The following ATP11A variants were observed in gnomAD, a reference collection of about 807,000 sequenced individuals.
ATP11A encodes the protein phospholipid-transporting ATPase IH.
ATP11A carries 81 observed loss-of-function variants against 154.4 expected under a neutral mutation model. The ratio of observed to expected loss-of-function variants is 0.52; its 90% CI spans 0.44 to 0.63. The LOEUF (loss-of-function observed/expected upper bound fraction) is 0.63. ATP11A is among the 30% of genes least tolerant of loss of function. ATP11A has a pLI of 0.00. For synonymous variants in ATP11A, 623 were observed against 585.9 expected (o/e 1.06, Z -0.91); for missense variants, 1,316 against 1,474.3 (o/e 0.89, Z 1.76).
At chr13:112,783,540 C>T (rs2077549851) in intron 1 of ATP11A, among the ~76,000 whole-genome samples, 1 of 152,240 alleles carries the variant, frequency 6.6e-6, no homozygotes, top group East Asian at 1.9e-4. Flanking sequence ...GTCAGCCCTT[C>T]GACGGCAGTG....
intron 18 of ATP11A, among the ~76,000 whole-genome samples, chr13:112,852,871 C>T (rs1236366301): frequency 6.6e-6 from 1 of 152,026 alleles, no homozygotes; most frequent in Admixed American, 6.5e-5. Flanking sequence ...TGCGAAACAT[C>T]TCTGAGCCTC....
chr13:112,767,514 A>G lies in ATP11A; in HGVS notation c.40-17621A>G, dbSNP rs528651966. On this transcript the variant is annotated intron_variant, in intron 1 of 29. Coordinates refer to ENST00000375645, the MANE Select transcript of ATP11A (RefSeq NM_015205.3). ...GGAAAGGTGGGGAGGATGTAGGGGT[A>G]TCGGGGGCCCCTGTGGGAAGGTAGG... 9.7e-3 allele frequency among the ~76,000 whole-genome samples: 569 copies of G among 58,788 alleles called. 40 individuals carry two copies. Among genetic ancestry groups the G allele is most frequent in the Middle Eastern group, 0.052 (5 of 96 alleles). The allele number at this position is 58,788 out of a possible 152,430, so 38.6% of individuals were successfully genotyped here. A position where few individuals can be genotyped will look rare whatever the true frequency, so the allele number is the denominator to read the frequency against.
intron 1 of ATP11A, among the ~76,000 whole-genome samples, chr13:112,744,439 C>A (rs1015821794): frequency 1.3e-5 from 2 of 152,174 alleles, no homozygotes; most frequent in Non-Finnish European, 2.9e-5. Context: ...CTCTGAGTGG[C>A]GATTTCAGGG....
rs990067415 is a variant in ATP11A at position 112,884,342 on chromosome 13, G to A, written c.*2476G>A. On this transcript the variant is annotated 3_prime_UTR_variant, in exon 30 of 30. Transcript: ENST00000375645. ...AGATTCTCACGTGAAGGTTTAGTAAGTTGGGTCCCAGCTCTGCCTGTGTGG... is the reference window on the plus strand; with the variant it reads ...AGATTCTCACGTGAAGGTTTAGTAAATTGGGTCCCAGCTCTGCCTGTGTGG... 6.6e-6 allele frequency: 1 copy of A among 152,648 alleles called. No homozygotes were observed. The highest frequency in any genetic ancestry group is 6.5e-5 in the Admixed American group (1 of 15,284). The allele number at this position is 152,648 out of a possible 1,614,324, so 9.5% of individuals were successfully genotyped here.
rs376048709 is a variant in ATP11A at position 112,880,284 on chromosome 13, G to A, written c.*10-1592G>A. On this transcript the variant is annotated intron_variant, in intron 29 of 29. Transcript: ENST00000375645. ...AGGGACCTCAGACCCTCTGCCTCCC[G>A]CGGGTGCATGGCCCGTCCCTGAGCC... is the stretch of plus-strand genomic sequence containing the variant. 1.9e-4 allele frequency: 31 copies of A among 163,164 alleles called. No homozygotes were observed. In the South Asian group the frequency reaches 3.3e-3, roughly 17 times the overall value. The allele number at this position is 163,164 out of a possible 1,614,324, so 10.1% of individuals were successfully genotyped here.
At chr13:112,778,936 G>A (rs1396258367) in intron 1 of ATP11A, among the ~76,000 whole-genome samples, 5 of 134,474 alleles carry the variant, frequency 3.7e-5, no homozygotes, top group African/African-American at 8.8e-5. Context: ...GTGAGTAGCC[G>A]CTGGAGTGAG....
At chr13:112,749,300 G>A (rs538605778) in intron 1 of ATP11A, among the ~76,000 whole-genome samples, 14 of 152,218 alleles carry the variant, frequency 9.2e-5, no homozygotes, top group Non-Finnish European at 2.1e-4. Context: ...TTTCTTAATA[G>A]AAATTAAGAA....
rs2277432 is a variant in ATP11A, at chr13:112,819,265, C to A, written c.571-39C>A. On this transcript the variant is annotated intron_variant, in intron 6 of 29. Transcript: ENST00000375645. ...CACCAGCGTCTGGGTTTGTGTTGAC[C>A]GTTTTGGCGGTGAGCTCACATGTCT... 1.9e-6 allele frequency: 3 copies of A among 1,581,630 alleles called. No homozygotes were observed. In the African/African-American group the frequency reaches 4.1e-5, roughly 22 times the overall value.
chr13:112,862,591 G>T lies in ATP11A; in HGVS notation c.2991+16G>T. The stretch of plus-strand genomic sequence containing the variant: ...CAACGGGCAGGTCAGTACAGAGCTC[G>T]ATTGCGCTGACTTAGCTGCTTAGGA... On this transcript the variant is annotated intron_variant, in intron 25 of 29. Transcript: ENST00000375645. 1 of 1,613,978 alleles carries T rather than the reference G, an allele frequency of 6.2e-7. No homozygotes were observed. Among genetic ancestry groups the T allele is most frequent in the African/African-American group, 1.3e-5 (1 of 75,054 alleles).
intron 3 of ATP11A, 98 bp downstream of exon 3, chr13:112,805,144 G>C: frequency 1.2e-6 from 1 of 812,958 alleles, no homozygotes; most frequent in Non-Finnish European, 1.9e-6. Context: ...AAAGAGCAAG[G>C]ACATGGTGCC....
intron 1 of ATP11A, among the ~76,000 whole-genome samples, chr13:112,781,348 G>T (rs532200945): frequency 1.3e-5 from 2 of 151,996 alleles, no homozygotes; most frequent in Admixed American, 1.3e-4. Context: ...CAGGGACCCC[G>T]TTTTGTCTAT....
In ATP11A at chr13:112,842,547, C is replaced by T. The variant is rs551911969; in HGVS notation, c.1809+168C>T. Among the ~76,000 whole-genome samples the T allele has an allele frequency of 1.4e-4, 22 of 152,344 alleles. No individual in the cohort carries two copies. The East Asian group carries it at 2.9e-3, about 20-fold the overall frequency. On this transcript the variant is annotated intron_variant, in intron 17 of 29. Transcript: ENST00000375645. ...ACAGACAGGCAGCCTCAGCCGGCAC[C>T]GACCCCAGGGGGCCTCCGATACCCA...
Position 112,699,682 on chromosome 13 carries a change from A to G in ATP11A, c.39+9227A>G, listed in dbSNP as rs79412470. 6.1e-3 allele frequency among the ~76,000 whole-genome samples: 932 copies of G among 152,296 alleles called. 9 individuals carry two copies. Among genetic ancestry groups the G allele is most frequent in the African/African-American group, 0.021 (880 of 41,562 alleles). ...AGGAGCACATTTCACAGATGATGTC[A>G]TTGGTGGAGGCCGAGCCTGCCAGCA... On this transcript the variant is annotated intron_variant, in intron 1 of 29. Coordinates refer to ENST00000375645, the MANE Select transcript of ATP11A (RefSeq NM_015205.3).
intron 1 of ATP11A, among the ~76,000 whole-genome samples, chr13:112,778,943 T>G (rs927091553): frequency 1.1e-4 from 9 of 81,296 alleles, no homozygotes; most frequent in Non-Finnish European, 1.5e-4. Context: ...GCCGCTGGAG[T>G]GAGGAGTAGC....
intron 25 of ATP11A, among the ~76,000 whole-genome samples, chr13:112,864,237 C>G (rs1325789744): frequency 8.0e-5 from 9 of 113,054 alleles, no homozygotes; most frequent in Non-Finnish European, 1.3e-4. Context: ...TTCAGTGCGG[C>G]CCATGCAGCT....
intron 6 of ATP11A, among the ~76,000 whole-genome samples, chr13:112,816,436 T>C (rs564841679): frequency 6.6e-6 from 1 of 152,350 alleles, no homozygotes; most frequent in East Asian, 1.9e-4. Context: ...TTGAGGCATA[T>C]ATTATGATGT....
intron 1 of ATP11A, among the ~76,000 whole-genome samples, chr13:112,694,711 C>G (rs1009897591): frequency 6.6e-6 from 1 of 152,086 alleles, no homozygotes; most frequent in African/African-American, 2.4e-5. Flanking sequence ...TGTTCTTTTG[C>G]CTGTCAGAGC....
At chr13:112,873,510 C>A in intron 26 of ATP11A, 63 bp from the exon 27 acceptor site, 1 of 1,288,280 alleles carries the variant, frequency 7.8e-7, no homozygotes, top group Non-Finnish European at 1.1e-6. Context: ...TCTGTCCTGC[C>A]CATCACGATC....
At chr13:112,729,611 C>A (rs1890276175) in intron 1 of ATP11A, among the ~76,000 whole-genome samples, 1 of 152,254 alleles carries the variant, frequency 6.6e-6, no homozygotes, top group African/African-American at 2.4e-5. Context: ...ACAGTCCCCC[C>A]ACCTCGGCAT....
Sources: allele counts gnomAD v4.1 joint callset (sites outside exome capture counted in the v4.1 genomes callset), GRCh38; gene constraint gnomAD v4.1.1; transcripts MANE v1.5; gene names NCBI Gene and HGNC (gene_info 2026-07-23, HGNC 2026-07-21).